ZBTB7C: variants seen among roughly 807,000 people sequenced by gnomAD.
The protein encoded by ZBTB7C is zinc finger and BTB domain-containing protein 7C.
In ZBTB7C, 8 loss-of-function variants were observed where a neutral mutation model predicts 25.7. The observed-to-expected ratio is 0.31, with a 90% confidence interval of 0.18 to 0.56. The LOEUF is 0.56. Ranked by LOEUF, ZBTB7C falls within the 20% of genes least tolerant of loss-of-function variation. ZBTB7C has a pLI of 0.91. For missense variants in ZBTB7C, 824 were observed against 855.2 expected, an observed-to-expected ratio of 0.96 and a Z score of 0.46; for synonymous variants, 394 against 369.0, an observed-to-expected ratio of 1.07 and a Z score of -0.78.
At chr18:48,100,725 T>C (rs1226808049) in intron 3 of ZBTB7C, among the ~76,000 whole-genome samples, 2 of 152,196 alleles carry the variant, frequency 1.3e-5, no homozygotes, top group African/African-American at 4.8e-5. Context: ...GGGGCCGCAT[T>C]TCTTGTCACA....
At chr18:48,114,152 G>GA (rs1358613767) in intron 3 of ZBTB7C, among the ~76,000 whole-genome samples, 1 of 152,186 alleles carries the variant, frequency 6.6e-6, no homozygotes, top group African/African-American at 2.4e-5. Context: ...TATAGGTGAG[G>GA]ATGTGGGGAC....
At chr18:48,208,049 G>A (rs762585466) in intron 2 of ZBTB7C, among the ~76,000 whole-genome samples, 6 of 151,832 alleles carry the variant, frequency 4.0e-5, no homozygotes, top group Non-Finnish European at 5.9e-5. Context: ...GGGGGGCAAT[G>A]GTGGAAGACA....
At chr18:48,298,500 T>G (rs2045460772) in intron 2 of ZBTB7C, among the ~76,000 whole-genome samples, 1 of 152,070 alleles carries the variant, frequency 6.6e-6, no homozygotes, top group Non-Finnish European at 1.5e-5. Flanking sequence ...TAGGGACACA[T>G]CCAGCCATGC....
chr18:48,138,768 C>T (rs114906638), intron 3 of ZBTB7C, among the ~76,000 whole-genome samples: 3,125 of 152,294 alleles, frequency 0.021, 113 homozygotes, highest in African/African-American at 0.072. Context: ...CCTTTGTCCA[C>T]AAAGGCACTA....
chr18:48,311,024 T>G (rs28437889), intron 2 of ZBTB7C, among the ~76,000 whole-genome samples: 26,448 of 152,128 alleles, frequency 0.17, 2,380 homozygotes, highest in African/African-American at 0.2. Context: ...CCCAGATTTA[T>G]TCAATCGACA....
intron 1 of ZBTB7C, among the ~76,000 whole-genome samples, chr18:48,400,843 T>C (rs766567861): frequency 1.3e-5 from 2 of 152,228 alleles, no homozygotes; most frequent in Non-Finnish European, 1.5e-5. Context: ...TCTATTAGGC[T>C]GCACTGCTCC....
At chr18:48,063,248 G>A (rs1455109091) in intron 3 of ZBTB7C, among the ~76,000 whole-genome samples, 2 of 152,196 alleles carry the variant, frequency 1.3e-5, no homozygotes, top group African/African-American at 2.4e-5. Context: ...ACCCATCTCC[G>A]CTGCCCTTAA....
Position 48,029,406 on chromosome 18 carries a change from C to CT in ZBTB7C, c.1713_1714insA (p.Gly572ArgfsTer81). ...TCGGCCAGCGCGAAGGCCAGGAGGC[C>CT]CCCCGCGTTCCTCTCAGCCTCCAGC... On this transcript the variant is annotated frameshift_variant, in exon 5 of 5. Transcript: ENST00000590800. LOFTEE classifies it high-confidence loss of function. 6.4e-7 allele frequency: 1 copy of CT among 1,571,950 alleles called. No homozygotes were observed. The highest frequency in any genetic ancestry group is 8.6e-7 in the Non-Finnish European group (1 of 1,162,898).
intron 2 of ZBTB7C, among the ~76,000 whole-genome samples, chr18:48,200,300 C>T (rs751855149): frequency 7.9e-5 from 12 of 152,126 alleles, no homozygotes; most frequent in Non-Finnish European, 1.2e-4. Context: ...GAAAACCCAA[C>T]CGAGACATAT....
intron 3 of ZBTB7C, among the ~76,000 whole-genome samples, chr18:48,086,858 C>T (rs906346253): frequency 8.5e-5 from 13 of 152,162 alleles, no homozygotes; most frequent in African/African-American, 2.7e-4. Context: ...TTTATTTAAT[C>T]GAACTCTGTG....
Position 48,239,654 on chromosome 18 carries a change from C to T in ZBTB7C, c.-78-53659G>A, listed in dbSNP as rs531718152. Among the ~76,000 whole-genome samples, 21 of 152,294 alleles carry T rather than the reference C, an allele frequency of 1.4e-4. 2 individuals carry two copies. In the South Asian group the frequency reaches 4.1e-3, roughly 30 times the overall value. On this transcript the variant is annotated intron_variant, in intron 2 of 4. Coordinates refer to ENST00000590800, the MANE Select transcript of ZBTB7C (RefSeq NM_001318841.2). ...TAGTCTGGCTCTCAGGAAGCCCCAT[C>T]CCTAGGGGAAGGGGAAGAGCACCAC...
chr18:48,391,809 A>G (rs1176367766), intron 1 of ZBTB7C, among the ~76,000 whole-genome samples: 2 of 152,218 alleles, frequency 1.3e-5, no homozygotes, highest in Non-Finnish European at 2.9e-5. Context: ...CTGGTGTTGT[A>G]GCCTAGGGCC....
intron 2 of ZBTB7C, among the ~76,000 whole-genome samples, chr18:48,193,871 G>T (rs2042257499): frequency 6.6e-6 from 1 of 152,222 alleles, no homozygotes; most frequent in South Asian, 2.1e-4. Context: ...ATTTATGGAG[G>T]GTCAGCTGGG....
chr18:48,217,364 C>A (rs1189481596), intron 2 of ZBTB7C, among the ~76,000 whole-genome samples: 1 of 152,182 alleles, frequency 6.6e-6, no homozygotes, highest in Non-Finnish European at 1.5e-5. Flanking sequence ...AGACACAGAT[C>A]TGACCCTGTC....
chr18:48,197,994 T>A (rs143545552), intron 2 of ZBTB7C, among the ~76,000 whole-genome samples: 150 of 152,292 alleles, frequency 9.8e-4, no homozygotes, highest in African/African-American at 3.4e-3. Flanking sequence ...TCATTTTTAG[T>A]GAAATCAATT....
At chr18:48,349,577 T>A (rs1353509643) in intron 1 of ZBTB7C, among the ~76,000 whole-genome samples, 1 of 151,874 alleles carries the variant, frequency 6.6e-6, no homozygotes, top group Non-Finnish European at 1.5e-5. Flanking sequence ...AATCTTGGAG[T>A]GATGCTGAAA....
intron 3 of ZBTB7C, among the ~76,000 whole-genome samples, chr18:48,073,976 T>C (rs1213037785): frequency 1.3e-5 from 2 of 152,192 alleles, no homozygotes; most frequent in Non-Finnish European, 2.9e-5. Context: ...GCAGTGGGTA[T>C]TCAGTCCTCA....
chr18:48,218,157 T>A (rs904852426), intron 2 of ZBTB7C, among the ~76,000 whole-genome samples: 3 of 152,080 alleles, frequency 2.0e-5, no homozygotes, highest in African/African-American at 7.2e-5. Flanking sequence ...GCGTCCACGT[T>A]CAGCTTCCCT....
chr18:48,037,161 C>G (rs1417290890), intron 4 of ZBTB7C, among the ~76,000 whole-genome samples: 2 of 152,198 alleles, frequency 1.3e-5, no homozygotes, highest in African/African-American at 4.8e-5. Context: ...CTTGTCTGAT[C>G]TTTTTCGGGA....
Sources: allele counts gnomAD v4.1 joint callset (sites outside exome capture counted in the v4.1 genomes callset), GRCh38; gene constraint gnomAD v4.1.1; transcripts MANE v1.5; gene names NCBI Gene and HGNC (gene_info 2026-07-23, HGNC 2026-07-21).